The following SCN7A variants were observed in gnomAD, a reference collection of about 807,000 sequenced individuals.
The protein encoded by SCN7A is sodium channel protein type 7 subunit alpha.
SCN7A carries 138 observed loss-of-function variants against 155.2 expected under a neutral mutation model. The ratio of observed to expected loss-of-function variants is 0.89; its 90% CI spans 0.77 to 1.02. The LOEUF is 1.02. Ranked by LOEUF, SCN7A falls within the 50% of genes least tolerant of loss-of-function variation. The pLI, the probability that SCN7A is intolerant of heterozygous loss-of-function variation, is 0.00. For missense variants in SCN7A, 2,058 were observed against 1,986.6 expected (o/e 1.04, Z -0.68); for synonymous variants, 693 against 649.0 (o/e 1.07, Z -1.03).
At chr2:166,458,107 T>C (rs556992150) in intron 10 of SCN7A, among the ~76,000 whole-genome samples, 1 of 152,262 alleles carries the variant, frequency 6.6e-6, no homozygotes, top group Non-Finnish European at 1.5e-5. Flanking sequence ...TTTATTGTAG[T>C]GCATTCAGCA....
intron 2 of SCN7A, among the ~76,000 whole-genome samples, chr2:166,481,057 C>T (rs746625943): frequency 5.3e-5 from 8 of 152,204 alleles, no homozygotes; most frequent in East Asian, 1.9e-4. Flanking sequence ...CCAATGGATA[C>T]GACATATCCA....
At chr2:166,477,890 T>C (rs1046484908) in intron 2 of SCN7A, among the ~76,000 whole-genome samples, 180 bp from the exon 3 acceptor site, 1 of 152,000 alleles carries the variant, frequency 6.6e-6, no homozygotes, top group Non-Finnish European at 1.5e-5. Flanking sequence ...ACTTAATTTG[T>C]AATTTCATGA....
chr2:166,437,858 A>G (rs150641003), intron 15 of SCN7A, among the ~76,000 whole-genome samples: 49 of 152,192 alleles, frequency 3.2e-4, no homozygotes, highest in Non-Finnish European at 6.6e-4. Context: ...TGTTTATCCA[A>G]TGCCTTACCC....
In SCN7A at chr2:166,447,725, T is replaced by C; in HGVS notation, c.1291-17A>G. The C allele has an allele frequency of 1.3e-6, 2 of 1,576,988 alleles. No individual in the cohort carries two copies. The highest frequency in any genetic ancestry group is 1.7e-6 in the Non-Finnish European group (2 of 1,146,764). On this transcript the variant is annotated splice_polypyrimidine_tract_variant and intron_variant, in intron 11 of 25. Transcript: ENST00000643258. ...GGTCTTGGCCTGAAAAGGAATTTGA[T>C]GGTTTAATACTGGCTTCCTGTCTTT...
In SCN7A at chr2:166,477,462, CA is replaced by C. The variant is rs761314552; in HGVS notation, c.234del (p.Asn78LysfsTer4). On this transcript the variant is annotated frameshift_variant and splice_region_variant, in exon 3 of 26. Coordinates refer to ENST00000643258, the MANE Select transcript of SCN7A (RefSeq NM_002976.4). LOFTEE classifies it high-confidence loss of function. ...TCAAAATAATCTCAATTAATACTCA[CA>C]TTTTTTTTCTTGTAGTAATATGGGT... ...DVDPYYYKKKNTFIVLNKNRT... is the reference protein window; with the variant it reads ...DVDPYYYKKKXTFIVLNKNRT... 75 of 1,474,244 alleles carry C rather than the reference CA, an allele frequency of 5.1e-5. No individual in the cohort carries two copies. Among genetic ancestry groups the C allele is most frequent in the Non-Finnish European group, 6.1e-5 (67 of 1,102,226 alleles). 91.3% of individuals were successfully genotyped at this position (1,474,244 alleles called of 1,614,324 possible).
At chr2:166,408,036 A>C (rs1329265213) in intron 25 of SCN7A, among the ~76,000 whole-genome samples, 4 of 151,186 alleles carry the variant, frequency 2.6e-5, no homozygotes, top group Non-Finnish European at 5.9e-5. Flanking sequence ...TATCTTGAAG[A>C]CTCTATTTCC....
chr2:166,478,748 C>T (rs779708815), intron 2 of SCN7A, among the ~76,000 whole-genome samples: 2 of 151,892 alleles, frequency 1.3e-5, no homozygotes, highest in Non-Finnish European at 2.9e-5. Context: ...TGAACGTAAT[C>T]ATCTTTGTAA....
At chr2:166,485,636 A>T (rs1703030008) in intron 2 of SCN7A, among the ~76,000 whole-genome samples, 1 of 152,120 alleles carries the variant, frequency 6.6e-6, no homozygotes, top group South Asian at 2.1e-4. Context: ...AGGAATAAAA[A>T]GTAAAGCTGG....
chr2:166,448,370 A>C (rs1004873949), intron 11 of SCN7A, among the ~76,000 whole-genome samples: 8 of 152,182 alleles, frequency 5.3e-5, no homozygotes, highest in African/African-American at 1.9e-4. Context: ...TAGACACTTA[A>C]GTTTATTCAT....
intron 11 of SCN7A, 68 bp from the exon 12 acceptor site, chr2:166,447,776 C>T: frequency 9.4e-7 from 1 of 1,064,954 alleles, no homozygotes; most frequent in Non-Finnish European, 1.4e-6. Flanking sequence ...TAAGAAGGTG[C>T]ACAGCCTTGC....
At chr2:166,426,330 T>C (rs1701623805) in intron 18 of SCN7A, among the ~76,000 whole-genome samples, 1 of 152,060 alleles carries the variant, frequency 6.6e-6, no homozygotes, top group South Asian at 2.1e-4. Flanking sequence ...GAGAAAGGCG[T>C]AGTATGGAGT....
intron 11 of SCN7A, among the ~76,000 whole-genome samples, chr2:166,449,489 T>A (rs1702134165): frequency 6.6e-6 from 1 of 152,132 alleles, no homozygotes; most frequent in Admixed American, 6.6e-5. Context: ...ATTATTTCAC[T>A]ATCAGTCAAG....
intron 11 of SCN7A, among the ~76,000 whole-genome samples, chr2:166,449,192 A>C (rs1444585652): frequency 1.4e-5 from 2 of 141,410 alleles, no homozygotes; most frequent in Admixed American, 6.9e-5. Context: ...GATGTAAAAC[A>C]GTATTTGAAT....
chr2:166,428,121 AGG>A (rs1257018399), intron 17 of SCN7A, among the ~76,000 whole-genome samples, 179 bp from the exon 18 acceptor site: 2 of 152,098 alleles, frequency 1.3e-5, no homozygotes, highest in Non-Finnish European at 2.9e-5. Flanking sequence ...ATCCCTGAGC[AGG>A]AAAAGGAAAA....
At chr2:166,468,609 G>A (rs183030730) in intron 7 of SCN7A, among the ~76,000 whole-genome samples, 39 of 151,992 alleles carry the variant, frequency 2.6e-4, no homozygotes, top group African/African-American at 8.2e-4. Context: ...ATTCTGTGTC[G>A]AAATGGTTTC....
intron 14 of SCN7A, among the ~76,000 whole-genome samples, chr2:166,442,954 A>G (rs916843486): frequency 1.3e-5 from 2 of 152,200 alleles, no homozygotes; most frequent in Non-Finnish European, 2.9e-5. Flanking sequence ...CATTCCTTCA[A>G]CCTGTCACCA....
At chr2:166,419,066 G>T (rs1247155134) in intron 20 of SCN7A, among the ~76,000 whole-genome samples, 4 of 152,120 alleles carry the variant, frequency 2.6e-5, no homozygotes, top group Non-Finnish European at 5.9e-5. Flanking sequence ...TTCTGACAGA[G>T]TCAGTTTCCC....
intron 7 of SCN7A, among the ~76,000 whole-genome samples, chr2:166,469,774 T>C (rs1702613587): frequency 6.6e-6 from 1 of 151,926 alleles, no homozygotes; most frequent in South Asian, 2.1e-4. Context: ...TTCACTAGAT[T>C]TGGTAAAGCT....
In SCN7A at chr2:166,406,460, A is replaced by G; in HGVS notation, c.4169T>C (p.Val1390Ala). The change falls in exon 26 of 26, where the codon GTC (valine) becomes GCC (alanine). Residue 1390 changes from valine (V) to alanine (A), a missense_variant. By Grantham distance (64) the Val-to-Ala change is moderately conservative (BLOSUM62 0). Coordinates refer to ENST00000643258, the MANE Select transcript of SCN7A (RefSeq NM_002976.4). ...TCCAAATACGGCATAGATGAACATG[A>G]CCAGGAAGATGAGAAGAATGATGTT... is the stretch of plus-strand genomic sequence containing the variant. ...LLNIILLIFL[V>A]MFIYAVFGMY... 1 of 1,612,968 alleles carries G rather than the reference A, an allele frequency of 6.2e-7. No homozygotes were observed. Among genetic ancestry groups the G allele is most frequent in the Non-Finnish European group, 8.5e-7 (1 of 1,179,330 alleles).
Sources: allele counts gnomAD v4.1 joint callset (sites outside exome capture counted in the v4.1 genomes callset), GRCh38; gene constraint gnomAD v4.1.1; transcripts MANE v1.5; gene names NCBI Gene and HGNC (gene_info 2026-07-23, HGNC 2026-07-21).